Variants in SLC9A9 observed in about 807,000 individuals in gnomAD.
SLC9A9 encodes solute carrier family 9 member A9.
In SLC9A9, 62 loss-of-function variants were observed where a neutral mutation model predicts 77.8. The ratio of observed to expected loss-of-function variants is 0.80; its 90% CI spans 0.65 to 0.98. The LOEUF (loss-of-function observed/expected upper bound fraction) is 0.98. Among genes scored for constraint, SLC9A9 ranks in the 50% least tolerant of loss-of-function variants. The pLI, the probability that SLC9A9 is intolerant of heterozygous loss-of-function variation, is 0.00. For missense variants in SLC9A9, 775 were observed against 774.9 expected (o/e 1.00, Z 0.00); for synonymous variants, 320 against 283.5 (o/e 1.13, Z -1.29).
intron 1 of SLC9A9, among the ~76,000 whole-genome samples, chr3:143,833,036 G>A (rs190768796): frequency 3.3e-5 from 5 of 152,142 alleles, no homozygotes; most frequent in Non-Finnish European, 5.9e-5. Flanking sequence ...GAATTTTTAC[G>A]TTTTTAAACT....
rs952992465 is a variant in SLC9A9, at chr3:143,265,803, G to A, written c.*899C>T. 6 of 561,434 alleles carry A rather than the reference G, an allele frequency of 1.1e-5. No homozygotes were observed. Among genetic ancestry groups the A allele is most frequent in the Non-Finnish European group, 1.9e-5 (6 of 316,618 alleles). 34.8% of individuals were successfully genotyped at this position (561,434 alleles called of 1,614,324 possible). On this transcript the variant is annotated 3_prime_UTR_variant, in exon 16 of 16. Transcript: ENST00000316549. ...CTCATCAGCTGTGAATGCTGGAATT[G>A]GAGGACAGGTTGGGGCTCCTGCACA...
At chr3:143,543,732 T>C (rs901349896) in intron 9 of SLC9A9, among the ~76,000 whole-genome samples, 1 of 121,722 alleles carries the variant, frequency 8.2e-6, no homozygotes, top group African/African-American at 3.1e-5. Flanking sequence ...CATTCTTCTG[T>C]ATGGATGTGT....
intron 14 of SLC9A9, among the ~76,000 whole-genome samples, chr3:143,294,608 A>G (rs2030165438): frequency 6.6e-6 from 1 of 152,242 alleles, no homozygotes; most frequent in Non-Finnish European, 1.5e-5. Flanking sequence ...CTGGAGGGGT[A>G]GAGGGTAGGC....
rs191566967 is a variant in SLC9A9, at chr3:143,308,692, G to A, written c.1605-39712C>T. On this transcript the variant is annotated intron_variant, in intron 14 of 15. Transcript: ENST00000316549. ...CTCAAGACTCATGACTGTGAAGCTC[G>A]CCATGGTGATAATAATACCCATAAT... 1.3e-3 allele frequency among the ~76,000 whole-genome samples: 195 copies of A among 152,220 alleles called. 1 individual carries two copies. Among genetic ancestry groups the A allele is most frequent in the African/African-American group, 4.5e-3 (188 of 41,536 alleles).
intron 1 of SLC9A9, among the ~76,000 whole-genome samples, chr3:143,844,254 G>C (rs935976738): frequency 3.9e-5 from 6 of 152,056 alleles, no homozygotes; most frequent in Non-Finnish European, 7.4e-5. Flanking sequence ...CATTCTGCTT[G>C]ATCACTTTTC....
chr3:143,816,618 A>G (rs1444386670), intron 2 of SLC9A9, among the ~76,000 whole-genome samples: 2 of 152,142 alleles, frequency 1.3e-5, no homozygotes, highest in African/African-American at 4.8e-5. Context: ...GCTGCAATGT[A>G]TATTCTTGTA....
At chr3:143,587,140 C>A (rs765389888) in intron 6 of SLC9A9, among the ~76,000 whole-genome samples, 3 of 152,138 alleles carry the variant, frequency 2.0e-5, no homozygotes, top group East Asian at 1.9e-4. Flanking sequence ...ATGGCTTCCT[C>A]GGGAATAACG....
At chr3:143,450,463 G>A (rs2034986777) in intron 12 of SLC9A9, among the ~76,000 whole-genome samples, 1 of 151,638 alleles carries the variant, frequency 6.6e-6, no homozygotes, top group Non-Finnish European at 1.5e-5. Context: ...GTACTCAAGT[G>A]TTAATAATAA....
intron 9 of SLC9A9, among the ~76,000 whole-genome samples, chr3:143,537,145 C>T (rs2036603030): frequency 6.6e-6 from 1 of 152,222 alleles, no homozygotes; most frequent in Non-Finnish European, 1.5e-5. Context: ...TGTCCAGCAT[C>T]TGGTGTCTTT....
rs546858887 is a variant in SLC9A9, at chr3:143,535,477, A to G, written c.1089+16885T>C. Among the ~76,000 whole-genome samples, 4 of 152,308 alleles carry G rather than the reference A, an allele frequency of 2.6e-5. No individual in the cohort carries two copies. In the South Asian group the frequency reaches 8.3e-4, roughly 32 times the overall value. On this transcript the variant is annotated intron_variant, in intron 9 of 15. Coordinates refer to ENST00000316549, the MANE Select transcript of SLC9A9 (RefSeq NM_173653.4). ...ACTTTCTTTATTTTTTGTTTGTTTA[A>G]CTTTGGAAAACATTGTGTAACTTGC...
chr3:143,279,048 AT>A (rs11355756), intron 14 of SLC9A9, among the ~76,000 whole-genome samples: 38,400 of 152,032 alleles, frequency 0.25, 9,527 homozygotes, highest in African/African-American at 0.65. Flanking sequence ...GTTAGCTAAC[AT>A]TTTTTTCACT....
At chr3:143,645,066 A>T (rs1260278048) in intron 6 of SLC9A9, among the ~76,000 whole-genome samples, 2 of 152,208 alleles carry the variant, frequency 1.3e-5, no homozygotes, top group African/African-American at 4.8e-5. Flanking sequence ...CTTTTCAAAT[A>T]GTTGGAAGAA....
intron 6 of SLC9A9, among the ~76,000 whole-genome samples, chr3:143,643,061 A>T (rs1344785002): frequency 6.6e-6 from 1 of 151,924 alleles, no homozygotes; most frequent in Non-Finnish European, 1.5e-5. Context: ...CCTTTGCTCA[A>T]CATGGTGGAG....
rs77374462 is a variant in SLC9A9, at chr3:143,813,679, T to C, written c.379-16776A>G. Reference sequence around the variant, plus strand: ...GCCCGCAGACCAAGCCCCATTATTTTGCATAGTTTTTGCTCTCCATCTTTC... The same window carrying C: ...GCCCGCAGACCAAGCCCCATTATTTCGCATAGTTTTTGCTCTCCATCTTTC... On this transcript the variant is annotated intron_variant, in intron 2 of 15. Coordinates refer to ENST00000316549, the MANE Select transcript of SLC9A9 (RefSeq NM_173653.4). Among the ~76,000 whole-genome samples, 1,040 of 152,292 alleles carry C rather than the reference T, an allele frequency of 6.8e-3. 75 individuals carry two copies. In the East Asian group the frequency reaches 0.15, roughly 22 times the overall value.
At chr3:143,669,960 T>C (rs1022080663) in intron 5 of SLC9A9, among the ~76,000 whole-genome samples, 5 of 152,200 alleles carry the variant, frequency 3.3e-5, no homozygotes, top group Admixed American at 6.5e-5. Context: ...CAGTCCAGTA[T>C]AAAATGGAAT....
intron 14 of SLC9A9, among the ~76,000 whole-genome samples, chr3:143,295,863 T>TC (rs1263402894): frequency 8.3e-6 from 1 of 120,948 alleles, no homozygotes; most frequent in Non-Finnish European, 2.0e-5. Flanking sequence ...ATGCAAAGTC[T>TC]CCTGCTCTCC....
chr3:143,273,034 A>C (rs551755791), intron 14 of SLC9A9, among the ~76,000 whole-genome samples: 1 of 152,344 alleles, frequency 6.6e-6, no homozygotes, highest in South Asian at 2.1e-4. Flanking sequence ...TTAACTGAAT[A>C]ATATCCAAAA....
intron 14 of SLC9A9, among the ~76,000 whole-genome samples, chr3:143,335,821 T>G (rs536798964): frequency 6.6e-6 from 1 of 152,130 alleles, no homozygotes; most frequent in South Asian, 2.1e-4. Flanking sequence ...GAAGAAAACA[T>G]AGAGGAAAGC....
At chr3:143,707,610 A>G (rs1345009670) in intron 4 of SLC9A9, among the ~76,000 whole-genome samples, 1 of 152,234 alleles carries the variant, frequency 6.6e-6, no homozygotes, top group Non-Finnish European at 1.5e-5. Flanking sequence ...AGAATATCAT[A>G]ATGAGATGAG....
Sources: gnomAD v4.1 joint callset for allele counts (sites outside exome capture counted in the v4.1 genomes callset) on GRCh38, gnomAD v4.1.1 for gene constraint, MANE v1.5 for transcripts, NCBI Gene and HGNC (gene_info 2026-07-23, HGNC 2026-07-21) for gene names.